ROBO1: variants seen among roughly 807,000 people sequenced by gnomAD.
ROBO1 encodes the protein roundabout homolog 1.
ROBO1 carries 149 observed loss-of-function variants against 195.9 expected under a neutral mutation model. The ratio of observed to expected loss-of-function variants is 0.76; its 90% CI spans 0.67 to 0.87. The LOEUF (loss-of-function observed/expected upper bound fraction) is 0.87, where lower values mean the gene tolerates loss of function less well. Among genes scored for constraint, ROBO1 ranks in the 40% least tolerant of loss-of-function variants. The pLI, the probability that ROBO1 is intolerant of heterozygous loss-of-function variation, is 0.00. For synonymous variants in ROBO1, 816 were observed against 733.2 expected (o/e 1.11, Z -1.82); for missense variants, 1,933 against 2,068.3 (o/e 0.93, Z 1.27).
At chr3:78,926,530 CATT>C (rs1398764691) in intron 4 of ROBO1, among the ~76,000 whole-genome samples, 1 of 152,056 alleles carries the variant, frequency 6.6e-6, no homozygotes, top group Non-Finnish European at 1.5e-5. Context: ...ATAATGGCAT[CATT>C]ATCATCGTTA....
intron 3 of ROBO1, among the ~76,000 whole-genome samples, chr3:79,025,111 C>G (rs2078178734): frequency 6.6e-6 from 1 of 152,126 alleles, no homozygotes; most frequent in Non-Finnish European, 1.5e-5. Flanking sequence ...TCACTTTGTT[C>G]TATCACAATG....
intron 4 of ROBO1, among the ~76,000 whole-genome samples, chr3:78,915,001 T>C (rs971458789): frequency 2.8e-4 from 43 of 151,818 alleles, no homozygotes; most frequent in African/African-American, 9.9e-4. Context: ...AAAATTAAGA[T>C]ACAAATTAAA....
chr3:78,774,361 A>AG (rs899719489), intron 4 of ROBO1, among the ~76,000 whole-genome samples: 27 of 151,514 alleles, frequency 1.8e-4, no homozygotes, highest in Non-Finnish European at 3.2e-4. Context: ...CCCAGGCTTG[A>AG]GGGCAGTGGC....
Position 78,600,128 on chromosome 3 carries a change from A to G in ROBO1, c.4926T>C (p.Asn1642=). Residue 1642 remains asparagine (N), a synonymous_variant, in exon 30 of 31, where the codon AAT becomes AAC. Coordinates refer to ENST00000464233, the MANE Select transcript of ROBO1 (RefSeq NM_002941.4). ...TTATAGATACCTCTAATTCTTCATT[A>G]TTATCTTCTCCTCTTTCATATCCTC... ...VLGGYERGED[N]NEELEETES The G allele has an allele frequency of 6.2e-7, 1 of 1,612,326 alleles. No individual in the cohort carries two copies. The highest frequency in any genetic ancestry group is 8.5e-7 in the Non-Finnish European group (1 of 1,178,758).
chr3:79,754,791 G>A (rs531772869), intron 1 of ROBO1, among the ~76,000 whole-genome samples: 58 of 152,256 alleles, frequency 3.8e-4, no homozygotes, highest in African/African-American at 1.4e-3. Flanking sequence ...TAAGACGATG[G>A]CTCTGGACAA....
At chr3:79,767,310 C>A (rs1705051054) in intron 1 of ROBO1, among the ~76,000 whole-genome samples, 1 of 152,150 alleles carries the variant, frequency 6.6e-6, no homozygotes, top group Non-Finnish European at 1.5e-5. Flanking sequence ...GCCCACTACA[C>A]CGCTGATGCT....
intron 4 of ROBO1, among the ~76,000 whole-genome samples, chr3:78,782,353 C>T (rs1226146807): frequency 6.6e-6 from 1 of 151,914 alleles, no homozygotes; most frequent in East Asian, 1.9e-4. Context: ...CCCACCACCA[C>T]ACCCAGCTAA....
chr3:79,411,806 A>C (rs928469963), intron 2 of ROBO1, among the ~76,000 whole-genome samples: 1 of 152,168 alleles, frequency 6.6e-6, no homozygotes, highest in African/African-American at 2.4e-5. Flanking sequence ...TTAAGTTCTA[A>C]AGCAACCTCT....
At chr3:79,419,314 T>A (rs1482554097) in intron 2 of ROBO1, among the ~76,000 whole-genome samples, 2 of 152,214 alleles carry the variant, frequency 1.3e-5, no homozygotes, top group Non-Finnish European at 2.9e-5. Context: ...AATTAGCCCC[T>A]CTTATACACT....
At chr3:79,183,466 GAAAATGTAGCTGGCTGGA>G (rs2081382381) in intron 2 of ROBO1, among the ~76,000 whole-genome samples, 1 of 152,240 alleles carries the variant, frequency 6.6e-6, no homozygotes. Flanking sequence ...TTGAGGAATG[GAAAATGTAGCTGGCTGGA>G]AACATGTAGT....
intron 2 of ROBO1, among the ~76,000 whole-genome samples, chr3:79,549,126 T>C (rs1942381983): frequency 6.6e-6 from 1 of 152,050 alleles, no homozygotes; most frequent in Non-Finnish European, 1.5e-5. Flanking sequence ...AAGGGGAAAA[T>C]TGAGATTTCA....
chr3:79,641,789 G>A (rs1156939492), intron 1 of ROBO1, among the ~76,000 whole-genome samples: 1 of 152,100 alleles, frequency 6.6e-6, no homozygotes, highest in Non-Finnish European at 1.5e-5. Context: ...AGGCCAGTGT[G>A]GGTGGGTCAC....
intron 4 of ROBO1, among the ~76,000 whole-genome samples, chr3:78,831,105 G>A (rs2032153955): frequency 6.6e-6 from 1 of 151,902 alleles, no homozygotes; most frequent in Non-Finnish European, 1.5e-5. Context: ...TAGAGACGGG[G>A]TTTCACCATG....
chr3:79,029,574 A>G (rs994443341), intron 3 of ROBO1, among the ~76,000 whole-genome samples: 1 of 152,206 alleles, frequency 6.6e-6, no homozygotes, highest in African/African-American at 2.4e-5. Flanking sequence ...AAAGTTGGCA[A>G]TGCATACAGA....
chr3:78,858,112 T>TAA (rs1334052647), intron 4 of ROBO1, among the ~76,000 whole-genome samples: 1 of 152,040 alleles, frequency 6.6e-6, no homozygotes, highest in Admixed American at 6.6e-5. Context: ...TCTTCATCAT[T>TAA]AAACAGCGAG....
intron 1 of ROBO1, among the ~76,000 whole-genome samples, chr3:79,631,177 C>CT (rs34587159): frequency 0.3 from 45,219 of 151,516 alleles, 8,412 homozygotes; most frequent in African/African-American, 0.53. Context: ...AAAAAAGAGC[C>CT]TGCATTACCT....
rs532111074 is a variant in ROBO1 at position 78,923,753 on chromosome 3, T to C, written c.499+14848A>G. ...GCCTCTACCCTTCCAGGAGCTTCAG[T>C]GGAGCAACAGCTCTGATTACTTGAG... is the stretch of plus-strand genomic sequence containing the variant. On this transcript the variant is annotated intron_variant, in intron 4 of 30. Coordinates refer to ENST00000464233, the MANE Select transcript of ROBO1 (RefSeq NM_002941.4). 1.6e-4 allele frequency among the ~76,000 whole-genome samples: 24 copies of C among 152,214 alleles called. No homozygotes were observed. In the South Asian group the frequency reaches 4.6e-3, roughly 29 times the overall value.
intron 1 of ROBO1, among the ~76,000 whole-genome samples, chr3:79,634,354 T>C (rs1945434495): frequency 1.3e-5 from 2 of 152,110 alleles, no homozygotes; most frequent in Admixed American, 1.3e-4. Flanking sequence ...CAGGATTTGA[T>C]GAGGGGGAGA....
At chr3:78,855,057 G>A (rs1057227534) in intron 4 of ROBO1, among the ~76,000 whole-genome samples, 7 of 152,032 alleles carry the variant, frequency 4.6e-5, no homozygotes, top group African/African-American at 1.7e-4. Flanking sequence ...ATGATCCACT[G>A]AAGAGTATGC....
Sources: allele counts gnomAD v4.1 joint callset (sites outside exome capture counted in the v4.1 genomes callset), GRCh38; gene constraint gnomAD v4.1.1; transcripts MANE v1.5; gene names NCBI Gene and HGNC (gene_info 2026-07-23, HGNC 2026-07-21).